MLXIPL: variants seen among roughly 807,000 people sequenced by gnomAD.
MLXIPL encodes the protein carbohydrate-responsive element-binding protein.
In MLXIPL, 49 loss-of-function variants were observed where a neutral mutation model predicts 81.5. The observed-to-expected ratio is 0.60, with a 90% CI of 0.48 to 0.76. The LOEUF is 0.76. Ranked by LOEUF, MLXIPL falls within the 30% of genes least tolerant of loss-of-function variation. MLXIPL has a pLI of 0.00. For synonymous variants in MLXIPL, 466 were observed against 485.5 expected, an observed-to-expected ratio of 0.96 and a Z score of 0.53; for missense variants, 1,053 against 1,167.0, an observed-to-expected ratio of 0.90 and a Z score of 1.42.
the MLXIPL span, among the ~76,000 whole-genome samples, chr7:73,629,661 G>A: frequency 7.7e-4 from 117 of 152,322 alleles, no homozygotes; most frequent in African/African-American, 2.6e-3. Flanking sequence ...GGAGTTGGAG[G>A]CTGCAGTGAG....
At chr7:73,615,057 G>A (rs779479384) in intron 2 of MLXIPL, among the ~76,000 whole-genome samples, 2 of 152,080 alleles carry the variant, frequency 1.3e-5, no homozygotes, top group Non-Finnish European at 2.9e-5. Context: ...TGATCTGCCC[G>A]CCTTGGCCTT....
chr7:73,626,574 C>G (rs1015805370), upstream of MLXIPL, among the ~76,000 whole-genome samples: 1 of 151,894 alleles, frequency 6.6e-6, no homozygotes, highest in Non-Finnish European at 1.5e-5. Flanking sequence ...AGCCTCTTTT[C>G]TCACCTTGAG....
At chr7:73,639,821 G>T in the MLXIPL span, among the ~76,000 whole-genome samples, 2 of 152,190 alleles carry the variant, frequency 1.3e-5, no homozygotes, top group Admixed American at 1.3e-4. Context: ...CACTTTGGGA[G>T]GCTGAGGCGG....
At chr7:73,616,267 A>T in intron 1 of MLXIPL, 90 bp from the exon 2 acceptor site, 1 of 1,186,992 alleles carries the variant, frequency 8.4e-7, no homozygotes, top group South Asian at 1.2e-5. Context: ...GCATCCATCT[A>T]TGGTTGGCAT....
chr7:73,624,278 A>G lies in MLXIPL; in HGVS notation c.215T>C (p.Val72Ala). 2 of 1,589,884 alleles carry G rather than the reference A, an allele frequency of 1.3e-6. No homozygotes were observed. Among genetic ancestry groups the G allele is most frequent in the Non-Finnish European group, 1.7e-6 (2 of 1,169,856 alleles). ...GCGCGGCCCGAAGTCGGAGGGCCCC[A>G]CGGACCCCTCCTGGTCGCGCCGCCG... ...LPRRRDQEGS[V>A]GPSDFGPRSI... The change falls in exon 1 of 17, where the codon GTG (valine) becomes GCG (alanine). Residue 72 changes from valine to alanine, a missense_variant. Coordinates refer to ENST00000313375, the MANE Select transcript of MLXIPL (RefSeq NM_032951.3).
chr7:73,607,498 C>T, intron 3 of MLXIPL, 78 bp from the exon 4 acceptor site: 1 of 1,553,738 alleles, frequency 6.4e-7, no homozygotes. Context: ...CACCCCATCC[C>T]TGTCTGCTCA....
chr7:73,625,717 C>T (rs575672125), upstream of MLXIPL, among the ~76,000 whole-genome samples: 5 of 151,944 alleles, frequency 3.3e-5, no homozygotes, highest in African/African-American at 7.2e-5. Flanking sequence ...GCCGAGATCG[C>T]GCCCTACTGC....
At chr7:73,641,968 AT>A in the MLXIPL span, among the ~76,000 whole-genome samples, 2 of 151,976 alleles carry the variant, frequency 1.3e-5, no homozygotes, top group East Asian at 3.9e-4. Context: ...TTAGCATCCG[AT>A]TTCACAAGTT....
At chr7:73,640,275 A>C in the MLXIPL span, among the ~76,000 whole-genome samples, 1 of 150,718 alleles carries the variant, frequency 6.6e-6, no homozygotes, top group Non-Finnish European at 1.5e-5. Context: ...TGTGGTAGCA[A>C]GCACCTGTAG....
At chr7:73,620,413 CAAAA>C (rs1563512270) in intron 1 of MLXIPL, among the ~76,000 whole-genome samples, 1 of 150,860 alleles carries the variant, frequency 6.6e-6, no homozygotes, top group African/African-American at 2.4e-5. Context: ...CAACAACAAA[CAAAA>C]AACAACAACA....
chr7:73,599,795 G>A (rs992193260), intron 7 of MLXIPL, 100 bp from the exon 8 acceptor site: 53 of 1,191,146 alleles, frequency 4.4e-5, no homozygotes, highest in Admixed American at 3.4e-4. Flanking sequence ...GGCGGGTGGG[G>A]ACATGGGGAC....
At chr7:73,598,891 G>A (rs528446292) in intron 8 of MLXIPL, among the ~76,000 whole-genome samples, 3 of 151,974 alleles carry the variant, frequency 2.0e-5, no homozygotes, top group South Asian at 4.2e-4. Flanking sequence ...AGGCCGAGGC[G>A]GGCGGACTAC....
chr7:73,596,283 A>G lies in MLXIPL; in HGVS notation c.1939-11T>C, dbSNP rs1554593771. 2.5e-6 allele frequency: 4 copies of G among 1,604,598 alleles called. No individual in the cohort carries two copies. In the Admixed American group the frequency reaches 5.1e-5, roughly 21 times the overall value. ...ACGCCGGTTCTCGGTCTCGGGGAGC[A>G]GAGAGTTGGGTGAGCCTAGGAAGGA... On this transcript the variant is annotated splice_polypyrimidine_tract_variant and intron_variant, in intron 12 of 16. Transcript: ENST00000313375. This position sits in a 1 kb window ranked among gnomAD's most constrained non-coding sequence, Gnocchi z 4.7.
At chr7:73,604,463 C>T (rs1471631024) in intron 7 of MLXIPL, among the ~76,000 whole-genome samples, 2 of 150,794 alleles carry the variant, frequency 1.3e-5, no homozygotes, top group African/African-American at 4.9e-5. Flanking sequence ...GTCCCAGCTA[C>T]TCGGGAGGCT....
rs1554594259 is a variant in MLXIPL, at chr7:73,596,817, G to A, written c.1672-28C>T. 3.1e-6 allele frequency: 5 copies of A among 1,608,142 alleles called. No homozygotes were observed. The highest frequency in any genetic ancestry group is 4.2e-6 in the Non-Finnish European group (5 of 1,178,132). The stretch of plus-strand genomic sequence containing the variant: ...GGGGTGGAGAAGGGCGGAGAGTCGG[G>A]TTGAAGGCCGTGGGCACAGCCCCAC... On this transcript the variant is annotated intron_variant, in intron 10 of 16. Coordinates refer to ENST00000313375, the MANE Select transcript of MLXIPL (RefSeq NM_032951.3). This position sits in a 1 kb window ranked among gnomAD's most constrained non-coding sequence, Gnocchi z 4.7.
At chr7:73,632,099 C>T in the MLXIPL span, among the ~76,000 whole-genome samples, 2 of 151,838 alleles carry the variant, frequency 1.3e-5, no homozygotes, top group Non-Finnish European at 2.9e-5. Context: ...CTCAAGCCAT[C>T]CTCCTGCCTC....
the MLXIPL span, among the ~76,000 whole-genome samples, chr7:73,643,674 C>T: frequency 5.5e-4 from 83 of 152,274 alleles, no homozygotes; most frequent in South Asian, 1.2e-3. Context: ...GTCCCTTAGG[C>T]CTCCTTGCAA....
In MLXIPL at chr7:73,606,023, T is replaced by C; in HGVS notation, c.707A>G (p.Glu236Gly). Residue 236 changes from glutamate to glycine, a missense_variant, in exon 6 of 17, where the codon GAG becomes GGG. Glu to Gly is a moderately conservative substitution (Grantham distance 98, BLOSUM62 -2). Around this residue, in one of 3 missense-constraint regions of MLXIPL, gnomAD observed 823 missense variants for 933.0 expected, o/e 0.88. Transcript: ENST00000313375. Reference sequence around the variant, plus strand: ...GTCCAGGAGCTGCCGCCCACCCGGCTCCTCCTCTGGGTCCCCCAGCAGCAC... The same window carrying C: ...GTCCAGGAGCTGCCGCCCACCCGGCCCCTCCTCTGGGTCCCCCAGCAGCAC... ...VPVLLGDPEE[E>G]PGGRQLLDLN... 1 of 1,588,670 alleles carries C rather than the reference T, an allele frequency of 6.3e-7. No homozygotes were observed. Among genetic ancestry groups the C allele is most frequent in the Non-Finnish European group, 8.6e-7 (1 of 1,167,412 alleles).
chr7:73,602,070 A>G (rs56383788), intron 7 of MLXIPL, among the ~76,000 whole-genome samples: 1,587 of 86,844 alleles, frequency 0.018, 12 homozygotes, highest in Non-Finnish European at 0.026. Context: ...CTTGCTGTCC[A>G]CCTGCCTGCC....
Sources: gnomAD v4.1 joint callset for allele counts (sites outside exome capture counted in the v4.1 genomes callset) on GRCh38, gnomAD v4.1.1 for gene constraint, gnomAD v4.1.1 regional missense constraint, Gnocchi (gnomAD v3.1) non-coding constraint, MANE v1.5 for transcripts, NCBI Gene and HGNC (gene_info 2026-07-23, HGNC 2026-07-21) for gene names.